The following DIMT1 variants were observed in gnomAD, a reference collection of about 807,000 sequenced individuals.
DIMT1 encodes the protein dimethyladenosine transferase.
A neutral mutation model predicts 43.2 loss-of-function variants in DIMT1; 36 were observed. The observed-to-expected ratio is 0.83, with a 90% confidence interval of 0.64 to 1.10. The LOEUF is 1.10. Among genes scored for constraint, DIMT1 ranks in the 50% least tolerant of loss-of-function variants. The pLI, the probability that DIMT1 is intolerant of heterozygous loss-of-function variation, is 0.00. For synonymous variants in DIMT1, 126 were observed against 130.3 expected (o/e 0.97, Z 0.22); for missense variants, 341 against 385.3 (o/e 0.88, Z 0.96).
intron 2 of DIMT1, 74 bp downstream of exon 2, chr5:62,403,199 T>C (rs1343547681): frequency 7.4e-7 from 1 of 1,351,772 alleles, no homozygotes; most frequent in Non-Finnish European, 1.1e-6. Context: ...GCAGGCAGAC[T>C]TTCTGCGCTT....
chr5:62,397,319 A>T (rs1742532761), intron 6 of DIMT1, among the ~76,000 whole-genome samples: 1 of 152,230 alleles, frequency 6.6e-6, no homozygotes, highest in Admixed American at 6.5e-5. Flanking sequence ...TGATTTGAGT[A>T]CAATGTTTTT....
Position 62,393,977 on chromosome 5 carries a change from G to A in DIMT1, c.641C>T (p.Pro214Leu). ...SSVVRIEPKN[P>L]PPPINFQEWD... ...CACCTGAAAATTGATGGGTGGTGGT[G>A]GATTCTTAGGTTCTATCCTTACAAC... Residue 214 changes from proline to leucine, a missense_variant, in exon 8 of 12, where the codon CCA becomes CTA. Transcript: ENST00000199320. 2 of 1,609,610 alleles carry A rather than the reference G, an allele frequency of 1.2e-6. No homozygotes were observed. Among genetic ancestry groups the A allele is most frequent in the Non-Finnish European group, 1.7e-6 (2 of 1,178,714 alleles).
chr5:62,396,139 G>GTTTTTTTTTTTTTTTTTTTTTTTTTT (rs758847833), intron 6 of DIMT1, among the ~76,000 whole-genome samples: 1,640 of 116,386 alleles, frequency 0.014, 260 homozygotes, highest in East Asian at 0.023. Context: ...GTCACTGCAG[G>GTTTTTTTTTTTTTTTTTTTTTTTTTT]TTTTTTTTTT....
intron 11 of DIMT1, among the ~76,000 whole-genome samples, chr5:62,390,660 GACTGTTCTTTACT>G (rs1283063803): frequency 6.6e-6 from 1 of 152,088 alleles, no homozygotes; most frequent in African/African-American, 2.4e-5. Flanking sequence ...TTCTGGCTCG[GACTGTTCTTTACT>G]ACTGTTCTTA....
rs1742407968 is a variant in DIMT1 at position 62,394,354 on chromosome 5, G to A, written c.570+130C>T. Reference sequence around the variant, plus strand: ...GTGGTGACGCACACCTCTAGTCCCAGCTACTCGGGACTCGAGAAGATTGCT... The same window carrying A: ...GTGGTGACGCACACCTCTAGTCCCAACTACTCGGGACTCGAGAAGATTGCT... On this transcript the variant is annotated intron_variant, in intron 7 of 11. Transcript: ENST00000199320. The A allele has an allele frequency of 5.1e-6, 5 of 989,084 alleles. No homozygotes were observed. In the Admixed American group the frequency reaches 6.9e-5, roughly 14 times the overall value. The allele number at this position is 989,084 out of a possible 1,614,324, so 61.3% of individuals were successfully genotyped here.
rs1186767027 is a variant in DIMT1, at chr5:62,403,698, A to C, written c.75T>G (p.Ala25=). ...RQEQRRELKS[A]GGLMFNTGIG... ...CTTCCTCGCGGGGATCCGCACCTCC[A>C]GCGCTCTTCAGCTCCCGGCGCTGCT... The change falls in exon 1 of 12, where the codon GCT becomes GCG. Residue 25 remains alanine, a synonymous_variant. Coordinates refer to ENST00000199320, the MANE Select transcript of DIMT1 (RefSeq NM_014473.4). The C allele has an allele frequency of 2.5e-6, 4 of 1,608,174 alleles. No homozygotes were observed. The highest frequency in any genetic ancestry group is 1.3e-5 in the African/African-American group (1 of 74,842).
chr5:62,401,764 G>A (rs1183953025), intron 3 of DIMT1, among the ~76,000 whole-genome samples: 2 of 151,406 alleles, frequency 1.3e-5, no homozygotes, highest in East Asian at 4.0e-4. Context: ...TGTATTTTTA[G>A]TTGAGATGGG....
At chr5:62,400,122 T>A (rs1456616073) in intron 3 of DIMT1, among the ~76,000 whole-genome samples, 2 of 152,178 alleles carry the variant, frequency 1.3e-5, no homozygotes, top group Non-Finnish European at 2.9e-5. Context: ...GTATGTCACA[T>A]CTACTGAGAT....
chr5:62,401,205 C>T (rs1194107787), intron 3 of DIMT1, among the ~76,000 whole-genome samples: 1 of 152,032 alleles, frequency 6.6e-6, no homozygotes, highest in East Asian at 1.9e-4. Context: ...TAATTAAACT[C>T]CCTGTTGAGG....
chr5:62,391,670 G>A (rs547075906), intron 10 of DIMT1: 11 of 1,163,044 alleles, frequency 9.5e-6, no homozygotes, highest in African/African-American at 8.0e-5. Context: ...ACATCACATC[G>A]CACACACTGT....
At position 62,388,114 on chromosome 5, in the gene DIMT1, T is replaced by C. The variant is rs1742125105; in HGVS notation, c.*896A>G. On this transcript the variant is annotated 3_prime_UTR_variant, in exon 12 of 12. Transcript: ENST00000199320. ...AATTCTCAGTCTGACAGTTTTAAAA[T>C]AGCTTAAAACTAAGCACCAGGTATA... The C allele has an allele frequency of 6.6e-6, 1 of 152,156 alleles. No individual in the cohort carries two copies. Among genetic ancestry groups the C allele is most frequent in the South Asian group, 2.1e-4 (1 of 4,830 alleles). 9.4% of individuals were successfully genotyped at this position (152,156 alleles called of 1,614,324 possible).
chr5:62,402,933 T>A (rs1410728311), intron 2 of DIMT1, among the ~76,000 whole-genome samples: 9 of 152,212 alleles, frequency 5.9e-5, no homozygotes, highest in Non-Finnish European at 1.5e-5. Context: ...AACTTTCTAA[T>A]GTGTAGTTTA....
intron 10 of DIMT1, chr5:62,391,757 C>T: frequency 7.4e-7 from 1 of 1,360,056 alleles, no homozygotes. Context: ...AATTTCTATA[C>T]AAAGAAAGTA....
At chr5:62,402,785 C>G (rs2112059948) in intron 2 of DIMT1, among the ~76,000 whole-genome samples, 1 of 152,310 alleles carries the variant, frequency 6.6e-6, no homozygotes, top group South Asian at 2.1e-4. Context: ...GTGTATTTCA[C>G]TTCCTAACAC....
At chr5:62,403,591 T>C in intron 1 of DIMT1, 103 bp downstream of exon 1, 2 of 1,386,156 alleles carry the variant, frequency 1.4e-6, no homozygotes, top group East Asian at 2.5e-5. Flanking sequence ...CGGGAGCGCG[T>C]CCTGACCGGC....
chr5:62,403,685 G>C lies in DIMT1; in HGVS notation c.79+9C>G. The stretch of plus-strand genomic sequence containing the variant: ...CGACCGACCCCAGCTTCCTCGCGGG[G>C]ATCCGCACCTCCAGCGCTCTTCAGC... On this transcript the variant is annotated intron_variant, in intron 1 of 11. Coordinates refer to ENST00000199320, the MANE Select transcript of DIMT1 (RefSeq NM_014473.4). 1 of 1,605,312 alleles carries C rather than the reference G, an allele frequency of 6.2e-7. No homozygotes were observed. Among genetic ancestry groups the C allele is most frequent in the Non-Finnish European group, 8.5e-7 (1 of 1,176,808 alleles).
intron 3 of DIMT1, among the ~76,000 whole-genome samples, chr5:62,399,411 A>G (rs1209346278): frequency 1.3e-5 from 2 of 152,126 alleles, no homozygotes; most frequent in East Asian, 1.9e-4. Context: ...GGTTGCAGTG[A>G]GTCGAGATCG....
intron 2 of DIMT1, 53 bp from the exon 3 acceptor site, chr5:62,402,175 G>A (rs1742731567): frequency 6.4e-7 from 1 of 1,562,048 alleles, no homozygotes; most frequent in Non-Finnish European, 8.8e-7. Context: ...GAACACAGAA[G>A]TTAATTTACA....
chr5:62,403,608 C>G (rs1389397472), intron 1 of DIMT1, 86 bp downstream of exon 1: 4 of 1,467,746 alleles, frequency 2.7e-6, no homozygotes, highest in Admixed American at 2.0e-5. Context: ...CGGCCTCTGC[C>G]GATCAGGTCT....
Sources: allele counts gnomAD v4.1 joint callset (sites outside exome capture counted in the v4.1 genomes callset), GRCh38; gene constraint gnomAD v4.1.1; transcripts MANE v1.5; gene names NCBI Gene and HGNC (gene_info 2026-07-23, HGNC 2026-07-21).